USP6NL: variants seen among roughly 807,000 people sequenced by gnomAD.
USP6NL encodes USP6 N-terminal like.
Under a neutral mutation model 61.9 loss-of-function variants are expected in USP6NL, and 26 were observed. The ratio of observed to expected loss-of-function variants is 0.42; its 90% CI spans 0.31 to 0.58. USP6NL has a LOEUF of 0.58. USP6NL is among the 20% of genes least tolerant of loss of function. The pLI is 0.16. For missense variants in USP6NL, 1,114 were observed against 1,034.3 expected (o/e 1.08, Z -1.06); for synonymous variants, 432 against 390.1 (o/e 1.11, Z -1.27).
Position 11,591,048 on chromosome 10 carries a change from C to T in USP6NL, c.4+6583G>A, listed in dbSNP as rs953619902. 1.3e-5 allele frequency among the ~76,000 whole-genome samples: 2 copies of T among 152,042 alleles called. No individual in the cohort carries two copies. Among genetic ancestry groups the T allele is most frequent in the African/African-American group, 4.8e-5 (2 of 41,362 alleles). The stretch of plus-strand genomic sequence containing the variant: ...AGGCGTCCAGATGATCTATCTAGTG[C>T]CTACATTTACGAATGAGTAAAGGAT... On this transcript the variant is annotated intron_variant, in intron 2 of 14. Transcript: ENST00000609104. The surrounding 1 kb of genome is among the most constrained non-coding windows in gnomAD (Gnocchi z 4.7).
intron 4 of USP6NL, among the ~76,000 whole-genome samples, chr10:11,523,978 T>C (rs1167424628): frequency 2.0e-5 from 3 of 152,172 alleles, no homozygotes; most frequent in African/African-American, 7.2e-5. Context: ...AATGGTTAAA[T>C]TGTCCTTCAT....
chr10:11,535,738 C>A (rs1358882871), intron 2 of USP6NL, among the ~76,000 whole-genome samples: 3 of 152,144 alleles, frequency 2.0e-5, no homozygotes, highest in Non-Finnish European at 2.9e-5. Context: ...TTCACTGGCG[C>A]CTCTTAGTTA....
rs2096211542 is a variant in USP6NL, at chr10:11,460,707, A to T, written c.*1734T>A. The T allele has an allele frequency of 6.6e-6, 1 of 150,484 alleles. No individual in the cohort carries two copies. 9.3% of individuals were successfully genotyped at this position (150,484 alleles called of 1,614,324 possible). On this transcript the variant is annotated 3_prime_UTR_variant, in exon 15 of 15. Transcript: ENST00000609104. ...ATATATATATTTTGGAGCAGCTCAG[A>T]TACTGCTATTATAAACTAAATTGTA...
rs1456232628 is a variant in USP6NL, at chr10:11,468,939, T to C, written c.1079-5090A>G. On this transcript the variant is annotated intron_variant, in intron 14 of 14. Transcript: ENST00000609104. This position sits in a 1 kb window ranked among gnomAD's most constrained non-coding sequence, Gnocchi z 4.5. Reference sequence around the variant, plus strand: ...GTATGTGTCATACATACGTAGGAGATTTAATTTTTTAATATAAGGAGTAAG... The same window carrying C: ...GTATGTGTCATACATACGTAGGAGACTTAATTTTTTAATATAAGGAGTAAG... Among the ~76,000 whole-genome samples the C allele has an allele frequency of 6.6e-6, 1 of 152,206 alleles. No homozygotes were observed. Among genetic ancestry groups the C allele is most frequent in the African/African-American group, 2.4e-5 (1 of 41,446 alleles).
chr10:11,523,001 A>G (rs2133388414), intron 4 of USP6NL, among the ~76,000 whole-genome samples: 1 of 152,364 alleles, frequency 6.6e-6, no homozygotes, highest in South Asian at 2.1e-4. Flanking sequence ...AGACAAAAAC[A>G]GTACCTACCC....
At chr10:11,498,141 G>A (rs1039962578) in intron 7 of USP6NL, among the ~76,000 whole-genome samples, 1 of 142,608 alleles carries the variant, frequency 7.0e-6, no homozygotes, top group African/African-American at 2.6e-5. Flanking sequence ...GTAGGCTGAA[G>A]CAGAGAACTG....
chr10:11,572,912 ATATAAG>A (rs756130372), intron 2 of USP6NL, among the ~76,000 whole-genome samples: 53 of 152,288 alleles, frequency 3.5e-4, no homozygotes, highest in East Asian at 1.2e-3. Context: ...AAAGTAAAAT[ATATAAG>A]TATATCTTTA....
chr10:11,555,485 G>C (rs1351300467), intron 2 of USP6NL, among the ~76,000 whole-genome samples: 1 of 139,326 alleles, frequency 7.2e-6, no homozygotes, highest in East Asian at 2.1e-4. Context: ...GAGAGAGAGA[G>C]AGAGAGAGAA....
At chr10:11,610,368 G>A (rs1838848695) in intron 1 of USP6NL, among the ~76,000 whole-genome samples, 1 of 152,156 alleles carries the variant, frequency 6.6e-6, no homozygotes, top group Admixed American at 6.5e-5. Context: ...TTCACTTGCT[G>A]CTGGCTAATT....
At chr10:11,471,957 C>G (rs1832770741) in intron 14 of USP6NL, among the ~76,000 whole-genome samples, 2 of 145,056 alleles carry the variant, frequency 1.4e-5, no homozygotes, top group African/African-American at 5.1e-5. Flanking sequence ...CACATGTACC[C>G]TAAAACTTAA....
In USP6NL at chr10:11,537,756, G is replaced by C. The variant is rs1351575712; in HGVS notation, c.5-10189C>G. Among the ~76,000 whole-genome samples the C allele has an allele frequency of 6.6e-6, 1 of 152,170 alleles. No homozygotes were observed. Among genetic ancestry groups the C allele is most frequent in the Non-Finnish European group, 1.5e-5 (1 of 68,040 alleles). On this transcript the variant is annotated intron_variant, in intron 2 of 14. Transcript: ENST00000609104. The surrounding 1 kb of genome is among the most constrained non-coding windows in gnomAD (Gnocchi z 5.1). ...CCTTTCCCTATGGTGAGCACTGCCG[G>C]GGTGGAAGGACCAGGCACACACACT... is the stretch of plus-strand genomic sequence containing the variant.
At position 11,561,432 on chromosome 10, in the gene USP6NL, C is replaced by A. The variant is rs537204590; in HGVS notation, c.5-33865G>T. On this transcript the variant is annotated intron_variant, in intron 2 of 14. Coordinates refer to ENST00000609104, the MANE Select transcript of USP6NL (RefSeq NM_014688.5). The surrounding 1 kb of genome is among the most constrained non-coding windows in gnomAD (Gnocchi z 4.1). ...ACACATGTGCATACGTGCACAAGAA[C>A]ATATACGAACACACGCATATGTATA... Among the ~76,000 whole-genome samples the A allele has an allele frequency of 1.1e-4, 17 of 152,342 alleles. No homozygotes were observed. Among genetic ancestry groups the A allele is most frequent in the African/African-American group, 3.1e-4 (13 of 41,584 alleles).
rs1832322049 is a variant in USP6NL at position 11,463,977 on chromosome 10, T to C, written c.1079-128A>G. 4.5e-6 allele frequency: 4 copies of C among 887,542 alleles called. No homozygotes were observed. The highest frequency in any genetic ancestry group is 6.7e-6 in the Non-Finnish European group (4 of 594,142). The allele number at this position is 887,542 out of a possible 1,614,324, so 55.0% of individuals were successfully genotyped here. A position where few individuals can be genotyped will look rare whatever the true frequency, so the allele number is the denominator to read the frequency against. The stretch of plus-strand genomic sequence containing the variant: ...ATACACGCTGACATACAACACACTG[T>C]CATACAACACACTGTTTATACCACT... On this transcript the variant is annotated intron_variant, in intron 14 of 14. Coordinates refer to ENST00000609104, the MANE Select transcript of USP6NL (RefSeq NM_014688.5). This position sits in a 1 kb window ranked among gnomAD's most constrained non-coding sequence, Gnocchi z 6.3.
chr10:11,533,032 G>GT (rs776377307), intron 2 of USP6NL, among the ~76,000 whole-genome samples: 8 of 152,124 alleles, frequency 5.3e-5, no homozygotes, highest in Non-Finnish European at 1.2e-4. Context: ...TTTTGCAAAA[G>GT]TAACATCCCT....
At chr10:11,594,384 C>T (rs1386443249) in intron 2 of USP6NL, among the ~76,000 whole-genome samples, 2 of 152,274 alleles carry the variant, frequency 1.3e-5, no homozygotes, top group East Asian at 1.9e-4. Context: ...TCTTTTTAAC[C>T]GACATCTAAC....
chr10:11,514,348 GT>G (rs202247355), intron 5 of USP6NL, among the ~76,000 whole-genome samples: 4 of 151,028 alleles, frequency 2.6e-5, no homozygotes, highest in African/African-American at 4.9e-5. Flanking sequence ...TGGTGTTTGG[GT>G]TTTTTTTTCT....
chr10:11,572,984 AAT>A (rs1486061598), intron 2 of USP6NL, among the ~76,000 whole-genome samples: 1 of 152,124 alleles, frequency 6.6e-6, no homozygotes, highest in Non-Finnish European at 1.5e-5. Context: ...GCAATTTTAA[AAT>A]GTTTTCAAAA....
rs917650337 is a variant in USP6NL at position 11,587,973 on chromosome 10, G to A, written c.4+9658C>T. ...GGAATTTTCTACTAAACAGCTAAAC[G>A]TGAAGGAAATCTAGAGATCACCAGG... is the stretch of plus-strand genomic sequence containing the variant. On this transcript the variant is annotated intron_variant, in intron 2 of 14. Transcript: ENST00000609104. The surrounding 1 kb of genome is among the most constrained non-coding windows in gnomAD (Gnocchi z 4.5). Among the ~76,000 whole-genome samples the A allele has an allele frequency of 9.2e-5, 14 of 152,166 alleles. No homozygotes were observed. Among genetic ancestry groups the A allele is most frequent in the Non-Finnish European group, 1.5e-4 (10 of 68,030 alleles).
chr10:11,609,536 G>A (rs1156604476), intron 1 of USP6NL, among the ~76,000 whole-genome samples: 2 of 152,178 alleles, frequency 1.3e-5, no homozygotes, highest in African/African-American at 4.8e-5. Flanking sequence ...GCTACCTCAA[G>A]TGGCAATTCC....
Sources: allele counts gnomAD v4.1 joint callset (sites outside exome capture counted in the v4.1 genomes callset), GRCh38; gene constraint gnomAD v4.1.1; non-coding constraint Gnocchi (gnomAD v3.1); transcripts MANE v1.5; gene names NCBI Gene and HGNC (gene_info 2026-07-23, HGNC 2026-07-21).